LOC128462377: variants seen among roughly 807,000 people sequenced by gnomAD.
At chr16:89,336,893 G>C in the LOC128462377 span, among the ~76,000 whole-genome samples, 18 of 151,948 alleles carry the variant, frequency 1.2e-4, no homozygotes, top group East Asian at 7.8e-4. Flanking sequence ...TGGGAGGCTG[G>C]GTGCGGTGGC....
At chr16:89,342,988 T>G in the LOC128462377 span, among the ~76,000 whole-genome samples, 1 of 152,208 alleles carries the variant, frequency 6.6e-6, no homozygotes, top group East Asian at 1.9e-4. Flanking sequence ...CAATAAAGAC[T>G]ATGTACTCAT....
chr16:89,352,963 G>C, the LOC128462377 span, among the ~76,000 whole-genome samples: 1 of 152,176 alleles, frequency 6.6e-6, no homozygotes, highest in Non-Finnish European at 1.5e-5. Flanking sequence ...CTTCAGAAAA[G>C]TTTATGGAAA....
chr16:89,339,805 T>C, the LOC128462377 span: 2 of 152,250 alleles, frequency 1.3e-5, no homozygotes. Flanking sequence ...CACCCTGCTG[T>C]GGCTGCTCCT....
At chr16:89,388,439 T>C in the LOC128462377 span, among the ~76,000 whole-genome samples, 1 of 151,750 alleles carries the variant, frequency 6.6e-6, no homozygotes, top group African/African-American at 2.4e-5. Context: ...CTCCATGAGG[T>C]TGATTTTTAA....
At chr16:89,322,446 G>A in the LOC128462377 span, among the ~76,000 whole-genome samples, 1 of 152,216 alleles carries the variant, frequency 6.6e-6, no homozygotes, top group Non-Finnish European at 1.5e-5. Flanking sequence ...GGTGCCCAAG[G>A]CCCCTGAGAA....
At chr16:89,332,569 T>C in the LOC128462377 span, among the ~76,000 whole-genome samples, 1 of 152,224 alleles carries the variant, frequency 6.6e-6, no homozygotes, top group Non-Finnish European at 1.5e-5. Context: ...GAACCCATTC[T>C]CCTAAAGGAT....
the LOC128462377 span, chr16:89,317,110 T>A: frequency 7.1e-7 from 1 of 1,405,502 alleles, no homozygotes; most frequent in South Asian, 1.2e-5. Flanking sequence ...ATTCACTGAA[T>A]TCAGAGGCAG....
chr16:89,326,938 C>T, the LOC128462377 span, among the ~76,000 whole-genome samples: 2 of 151,914 alleles, frequency 1.3e-5, no homozygotes, highest in African/African-American at 2.4e-5. Context: ...CACGACCAGG[C>T]GGAGACGCAG....
the LOC128462377 span, among the ~76,000 whole-genome samples, chr16:89,327,095 TG>T: frequency 2.2e-5 from 3 of 138,816 alleles, no homozygotes; most frequent in Admixed American, 2.1e-4. Flanking sequence ...AATGCAGAGG[TG>T]GGGAATGCAG....
the LOC128462377 span, among the ~76,000 whole-genome samples, chr16:89,371,139 C>T: frequency 1.3e-5 from 2 of 152,162 alleles, no homozygotes; most frequent in African/African-American, 4.8e-5. Flanking sequence ...AGCGTCTTGA[C>T]TTTCAGGGTG....
chr16:89,353,997 C>A, the LOC128462377 span, among the ~76,000 whole-genome samples: 1 of 152,180 alleles, frequency 6.6e-6, no homozygotes, highest in Non-Finnish European at 1.5e-5. Flanking sequence ...ACCAGCCCAG[C>A]TGAATGCCCC....
the LOC128462377 span, among the ~76,000 whole-genome samples, chr16:89,391,042 C>A: frequency 5.9e-5 from 9 of 151,994 alleles, no homozygotes; most frequent in Admixed American, 3.9e-4. Flanking sequence ...TCCTGGCTAA[C>A]ACGGTGAAAC....
At chr16:89,326,991 G>A in the LOC128462377 span, among the ~76,000 whole-genome samples, 1 of 151,914 alleles carries the variant, frequency 6.6e-6, no homozygotes, top group Non-Finnish European at 1.5e-5. Context: ...CAATGCAGAG[G>A]TGGGGAATGC....
the LOC128462377 span, among the ~76,000 whole-genome samples, chr16:89,399,417 C>T: frequency 6.6e-6 from 1 of 152,174 alleles, no homozygotes; most frequent in African/African-American, 2.4e-5. Context: ...CCAAGGACTA[C>T]ACGCTGTACG....
At chr16:89,362,934 T>C in the LOC128462377 span, among the ~76,000 whole-genome samples, 41 of 152,086 alleles carry the variant, frequency 2.7e-4, no homozygotes, top group Middle Eastern at 3.4e-3. Context: ...TTCCAGCCAA[T>C]GGAAACCGGA....
At chr16:89,323,292 G>T in the LOC128462377 span, 4 of 1,288,914 alleles carry the variant, frequency 3.1e-6, no homozygotes, top group Non-Finnish European at 4.0e-6. Flanking sequence ...CAAAGCCCTT[G>T]AGTGACACAC....
the LOC128462377 span, among the ~76,000 whole-genome samples, chr16:89,374,063 G>C: frequency 4.6e-5 from 7 of 152,226 alleles, no homozygotes; most frequent in Non-Finnish European, 1.0e-4. Flanking sequence ...GCAAGTGTGA[G>C]GCCCGCAGAG....
the LOC128462377 span, among the ~76,000 whole-genome samples, chr16:89,382,029 G>A: frequency 4.6e-5 from 7 of 152,180 alleles, no homozygotes; most frequent in Non-Finnish European, 8.8e-5. Context: ...CAGCCAGCAC[G>A]ACTGTCCAGG....
the LOC128462377 span, among the ~76,000 whole-genome samples, chr16:89,391,618 A>C: frequency 1.3e-5 from 2 of 152,228 alleles, no homozygotes; most frequent in East Asian, 3.8e-4. Flanking sequence ...AAATACATGA[A>C]GTCAAGCTAC....
Sources: allele counts gnomAD v4.1 joint callset (sites outside exome capture counted in the v4.1 genomes callset), GRCh38; gene constraint gnomAD v4.1.1; transcripts MANE v1.5.